Variants in DMD observed in about 807,000 individuals in gnomAD.
DMD encodes dystrophin.
DMD carries 63 observed loss-of-function variants against 330.1 expected under a neutral mutation model. The ratio of observed to expected loss-of-function variants is 0.19; its 90% CI spans 0.16 to 0.24. DMD has a LOEUF of 0.24. DMD is among the 10% of genes least tolerant of loss of function. The pLI, the probability that DMD is intolerant of heterozygous loss-of-function variation, is 1.00. For synonymous variants in DMD, 1,223 were observed against 959.8 expected, an observed-to-expected ratio of 1.27 and a Z score of -5.07; for missense variants, 3,344 against 2,684.1, an observed-to-expected ratio of 1.25 and a Z score of -5.43.
At chrX:31,816,594 T>C in intron 50 of DMD, among the ~76,000 whole-genome samples, 1 of 107,262 alleles carries the variant, frequency 9.3e-6, no homozygotes, top group African/African-American at 3.4e-5. Context: ...AGGTCAGGAG[T>C]TTAAGACCAG....
intron 44 of DMD, among the ~76,000 whole-genome samples, chrX:32,027,164 G>GCACACACACACACA (rs757441503): frequency 2.2e-5 from 2 of 89,517 alleles, no homozygotes; most frequent in African/African-American, 8.8e-5. Flanking sequence ...ACACGCACGT[G>GCACACACACACACA]CACACACACA....
chrX:32,018,077 C>T (rs2095779272), intron 44 of DMD, among the ~76,000 whole-genome samples: 1 of 111,283 alleles, frequency 9.0e-6, no homozygotes, highest in Non-Finnish European at 1.9e-5. Context: ...AATTTACAGT[C>T]CAGTAAGAAT....
intron 42 of DMD, among the ~76,000 whole-genome samples, chrX:32,302,565 A>G (rs1023486135): frequency 9.0e-6 from 1 of 111,436 alleles, no homozygotes; most frequent in African/African-American, 3.2e-5. Flanking sequence ...AACTTTACGT[A>G]TATTTTATGT....
intron 2 of DMD, among the ~76,000 whole-genome samples, chrX:32,990,029 T>C (rs1447519011): frequency 8.9e-6 from 1 of 112,061 alleles, no homozygotes; most frequent in African/African-American, 3.2e-5. Context: ...TTGTATTAAT[T>C]GTGCAACTGC....
chrX:32,836,739 C>G (rs2079669754), intron 4 of DMD, among the ~76,000 whole-genome samples: 1 of 111,897 alleles, frequency 8.9e-6, no homozygotes, highest in African/African-American at 3.2e-5. Flanking sequence ...CTTGGTTTAA[C>G]AAACCTTAAT....
chrX:31,844,815 C>A (rs980234904), intron 48 of DMD, among the ~76,000 whole-genome samples: 3 of 110,861 alleles, frequency 2.7e-5, no homozygotes, highest in African/African-American at 9.8e-5. Flanking sequence ...CTTGATTTGG[C>A]TCTCAGCTTG....
chrX:32,581,672 T>A (rs771770001), intron 13 of DMD, among the ~76,000 whole-genome samples: 1 of 111,962 alleles, frequency 8.9e-6, no homozygotes, highest in South Asian at 3.7e-4. Context: ...AATTTAATTT[T>A]AAAATTTCCC....
At chrX:32,304,408 A>G (rs1198127120) in intron 42 of DMD, among the ~76,000 whole-genome samples, 1 of 111,096 alleles carries the variant, frequency 9.0e-6, no homozygotes, top group Non-Finnish European at 1.9e-5. Flanking sequence ...AGGTAGGACA[A>G]CTGCTAGGCT....
chrX:33,300,553 T>C (rs1033067444), intron 1 of DMD, among the ~76,000 whole-genome samples: 9 of 111,827 alleles, frequency 8.0e-5, no homozygotes, highest in Non-Finnish European at 1.3e-4. Flanking sequence ...TGAATTCTAA[T>C]CACCAAGATG....
At chrX:32,282,048 T>G (rs1322017735) in intron 43 of DMD, among the ~76,000 whole-genome samples, 1 of 112,150 alleles carries the variant, frequency 8.9e-6, no homozygotes, top group African/African-American at 3.2e-5. Context: ...TACACAATAA[T>G]GCCATCTTAT....
chrX:33,264,623 T>C lies in DMD; in HGVS notation c.7+74636A>G, dbSNP rs748870942. Among the ~76,000 whole-genome samples, 17 of 110,922 alleles carry C rather than the reference T, an allele frequency of 1.5e-4. No individual in the cohort carries two copies. The East Asian group carries it at 4.9e-3, about 32-fold the overall frequency. On this transcript the variant is annotated intron_variant, in intron 1 of 17. Transcript: ENST00000288447. ...AAAATAAAGTCAGTTGGATCAGAAT[T>C]GAAACTGAGGGGTCTCCACTCTTCT...
intron 43 of DMD, among the ~76,000 whole-genome samples, chrX:32,227,673 T>G (rs767665970): frequency 1.4e-4 from 15 of 110,441 alleles, no homozygotes; most frequent in African/African-American, 4.9e-4. Flanking sequence ...AATATATCCA[T>G]GTAACAAAAA....
intron 48 of DMD, among the ~76,000 whole-genome samples, chrX:31,851,482 G>T (rs1487849356): frequency 8.9e-6 from 1 of 111,781 alleles, no homozygotes; most frequent in Non-Finnish European, 1.9e-5. Flanking sequence ...ACATCCAGAA[G>T]CCTCTATGGA....
chrX:31,582,255 C>T (rs1287889711), intron 55 of DMD, among the ~76,000 whole-genome samples: 8 of 111,373 alleles, frequency 7.2e-5, no homozygotes, highest in Admixed American at 3.8e-4. Context: ...AATAAGAATT[C>T]GTTGAGGATG....
chrX:32,098,646 C>G (rs1346600875), intron 44 of DMD, among the ~76,000 whole-genome samples: 2 of 111,816 alleles, frequency 1.8e-5, no homozygotes, highest in Non-Finnish European at 1.9e-5. Flanking sequence ...TTTCTTAATA[C>G]AAGTTCTTTA....
rs62592470 is a variant in DMD at position 32,493,372 on chromosome X, C to G, written c.2381-1854G>C. Among the ~76,000 whole-genome samples the G allele has an allele frequency of 9.8e-3, 1,088 of 111,328 alleles. 7 individuals carry two copies. The highest frequency in any genetic ancestry group is 0.028 in the Middle Eastern group (6 of 216). ...GTCAACTATTTTCCCCTCCTTCTTC[C>G]CTGATATATTTTTAATGAGATACAA... On this transcript the variant is annotated intron_variant, in intron 19 of 78. Transcript: ENST00000357033.
chrX:31,972,864 G>GT (rs1302745843), intron 44 of DMD, among the ~76,000 whole-genome samples: 2 of 111,425 alleles, frequency 1.8e-5, no homozygotes, highest in Non-Finnish European at 3.8e-5. Flanking sequence ...GCTTTATCTT[G>GT]TTTTTTTATC....
intron 55 of DMD, among the ~76,000 whole-genome samples, chrX:31,550,094 A>G (rs1477696911): frequency 9.0e-6 from 1 of 111,135 alleles, no homozygotes; most frequent in African/African-American, 3.3e-5. Flanking sequence ...AGCATTTGCC[A>G]CCCTCCAGGG....
intron 16 of DMD, among the ~76,000 whole-genome samples, chrX:32,559,708 C>G (rs955758215): frequency 9.0e-6 from 1 of 111,686 alleles, no homozygotes; most frequent in Non-Finnish European, 1.9e-5. Flanking sequence ...CATCTTGGTA[C>G]ATTGGCATAT....
Sources: gnomAD v4.1 joint callset for allele counts (sites outside exome capture counted in the v4.1 genomes callset) on GRCh38, gnomAD v4.1.1 for gene constraint, MANE v1.5 for transcripts, NCBI Gene and HGNC (gene_info 2026-07-23, HGNC 2026-07-21) for gene names.